CAB39: variants seen among roughly 807,000 people sequenced by gnomAD.
The protein encoded by CAB39 is calcium-binding protein 39.
In CAB39, 8 loss-of-function variants were observed where a neutral mutation model predicts 40.0. That is an observed-to-expected ratio of 0.20 (90% CI 0.12 to 0.36). The LOEUF (loss-of-function observed/expected upper bound fraction) is 0.36, where lower values mean the gene tolerates loss of function less well. Ranked by LOEUF, CAB39 falls within the 10% of genes least tolerant of loss-of-function variation. CAB39 has a pLI of 1.00. For missense variants in CAB39, 270 were observed against 401.1 expected (o/e 0.67, Z 2.79); for synonymous variants, 156 against 141.6 (o/e 1.10, Z -0.72).
At chr2:230,725,183 G>A (rs1694540989) in intron 1 of CAB39, 1 of 1,612,010 alleles carries the variant, frequency 6.2e-7, no homozygotes, top group Non-Finnish European at 8.5e-7. Context: ...GCAGTCCCGG[G>A]ACTGCTTGGC....
intron 3 of CAB39, among the ~76,000 whole-genome samples, chr2:230,791,383 A>G (rs1695889991): frequency 6.6e-6 from 1 of 152,244 alleles, no homozygotes; most frequent in South Asian, 2.1e-4. Flanking sequence ...GGAATAAACA[A>G]TCTAAAGACA....
At chr2:230,782,542 A>G (rs780170154) in intron 2 of CAB39, among the ~76,000 whole-genome samples, 9 of 152,120 alleles carry the variant, frequency 5.9e-5, no homozygotes, top group Non-Finnish European at 1.0e-4. Flanking sequence ...GAAATGGAGC[A>G]AATACTCTTC....
intron 5 of CAB39, among the ~76,000 whole-genome samples, chr2:230,809,321 C>T (rs374492745): frequency 2.6e-5 from 4 of 152,172 alleles, no homozygotes; most frequent in Non-Finnish European, 4.4e-5. Context: ...TCTTTGTAAC[C>T]TGGGCAACCT....
chr2:230,732,732 G>A (rs571689630), intron 1 of CAB39, among the ~76,000 whole-genome samples: 69 of 151,628 alleles, frequency 4.6e-4, no homozygotes, highest in Non-Finnish European at 8.4e-4. Context: ...TGATTATTCA[G>A]CAATGAGAGC....
At chr2:230,731,991 A>G (rs1256823887) in intron 1 of CAB39, among the ~76,000 whole-genome samples, 1 of 152,204 alleles carries the variant, frequency 6.6e-6, no homozygotes, top group Non-Finnish European at 1.5e-5. Context: ...GGAGTATCCT[A>G]AATCTACAGA....
intron 1 of CAB39, chr2:230,725,451 C>A (rs943209745): frequency 3.4e-6 from 5 of 1,477,714 alleles, no homozygotes; most frequent in Admixed American, 1.7e-5. Context: ...CGGTTCCTCC[C>A]GCCACCCGGC....
chr2:230,755,236 A>G (rs999543914), intron 1 of CAB39, among the ~76,000 whole-genome samples: 1 of 152,194 alleles, frequency 6.6e-6, no homozygotes. Context: ...TAGTGGCTGT[A>G]CTAGTTTACA....
rs560641294 is a variant in CAB39, at chr2:230,786,043, A to G, written c.115-4829A>G. Among the ~76,000 whole-genome samples the G allele has an allele frequency of 2.9e-4, 44 of 150,788 alleles. 2 individuals carry two copies. The South Asian group carries it at 7.2e-3, about 25-fold the overall frequency. On this transcript the variant is annotated intron_variant, in intron 2 of 8. Transcript: ENST00000258418. Reference sequence around the variant, plus strand: ...GCCGGGTGTTGTGGCGGGTGCCTGTAGTCCCAGCTACTGGGGAGGCTGAGG... The same window carrying G: ...GCCGGGTGTTGTGGCGGGTGCCTGTGGTCCCAGCTACTGGGGAGGCTGAGG...
At chr2:230,791,403 T>C (rs1447513595) in intron 3 of CAB39, among the ~76,000 whole-genome samples, 1 of 152,232 alleles carries the variant, frequency 6.6e-6, no homozygotes, top group Non-Finnish European at 1.5e-5. Context: ...AGCTATAGAA[T>C]GTTAGAATTT....
At chr2:230,772,257 A>G (rs968752137) in intron 2 of CAB39, among the ~76,000 whole-genome samples, 1 of 152,236 alleles carries the variant, frequency 6.6e-6, no homozygotes, top group African/African-American at 2.4e-5. Flanking sequence ...CAAGATACTC[A>G]TATATGCATT....
intron 2 of CAB39, among the ~76,000 whole-genome samples, chr2:230,762,964 C>T (rs892518492): frequency 2.0e-5 from 3 of 152,172 alleles, no homozygotes; most frequent in Non-Finnish European, 4.4e-5. Flanking sequence ...CTCAAGACCC[C>T]TTTTATACTC....
At chr2:230,763,541 C>A (rs577409462) in intron 2 of CAB39, among the ~76,000 whole-genome samples, 2 of 151,386 alleles carry the variant, frequency 1.3e-5, no homozygotes, top group South Asian at 4.2e-4. Context: ...TGCAGTGAGC[C>A]GAGATGGTGC....
Position 230,731,673 on chromosome 2 carries a change from A to G in CAB39, c.-44+18443A>G, listed in dbSNP as rs75896107. Among the ~76,000 whole-genome samples, 610 of 152,146 alleles carry G rather than the reference A, an allele frequency of 4.0e-3. 3 individuals are homozygous for G. The highest frequency in any genetic ancestry group is 0.011 in the African/African-American group (442 of 41,482). On this transcript the variant is annotated intron_variant, in intron 1 of 8. Coordinates refer to ENST00000258418, the MANE Select transcript of CAB39 (RefSeq NM_016289.4). ...GAGCACCTGCACACCTAATTTTTAA[A>G]TTTCTTGTAGACACGGGGTCTTGCT...
rs1213137769 is a variant in CAB39 at position 230,712,896 on chromosome 2, G to A, written c.-378G>A. On this transcript the variant is annotated 5_prime_UTR_variant, in exon 1 of 9. Coordinates refer to ENST00000258418, the MANE Select transcript of CAB39 (RefSeq NM_016289.4). ...CCGCAAGCGGGGCGAGGGGTTCGGG[G>A]AGCGGCGCGGCCTGGGAGACACAGA... is the stretch of plus-strand genomic sequence containing the variant. The A allele has an allele frequency of 1.3e-5, 2 of 151,970 alleles. No individual in the cohort carries two copies. The highest frequency in any genetic ancestry group is 2.9e-5 in the Non-Finnish European group (2 of 68,074). The allele number at this position is 151,970 out of a possible 1,614,324, so 9.4% of individuals were successfully genotyped here.
intron 6 of CAB39, among the ~76,000 whole-genome samples, chr2:230,812,421 CTAA>C (rs748975163): frequency 4.5e-4 from 69 of 152,296 alleles, no homozygotes; most frequent in Admixed American, 1.4e-3. Flanking sequence ...AAGAAAAAAT[CTAA>C]CATAACCTGA....
At chr2:230,762,700 A>G (rs1468367701) in intron 2 of CAB39, among the ~76,000 whole-genome samples, 1 of 152,196 alleles carries the variant, frequency 6.6e-6, no homozygotes, top group Non-Finnish European at 1.5e-5. Context: ...TATGTTGTCT[A>G]CTCATTACAT....
intron 2 of CAB39, among the ~76,000 whole-genome samples, chr2:230,777,353 G>GTTT: frequency 7.9e-6 from 1 of 127,250 alleles, no homozygotes. Flanking sequence ...ACCTGTTGGT[G>GTTT]TTTTTTTTGT....
At chr2:230,786,511 T>C (rs956110653) in intron 2 of CAB39, among the ~76,000 whole-genome samples, 1 of 152,208 alleles carries the variant, frequency 6.6e-6, no homozygotes, top group Non-Finnish European at 1.5e-5. Flanking sequence ...TTTTGTCACC[T>C]CACAAACCTG....
intron 2 of CAB39, among the ~76,000 whole-genome samples, chr2:230,788,972 C>T (rs866600876): frequency 6.6e-6 from 1 of 152,188 alleles, no homozygotes; most frequent in African/African-American, 2.4e-5. Context: ...ATTATGTCTT[C>T]AAATAGTTTG....
Sources: gnomAD v4.1 joint callset for allele counts (sites outside exome capture counted in the v4.1 genomes callset) on GRCh38, gnomAD v4.1.1 for gene constraint, MANE v1.5 for transcripts, NCBI Gene and HGNC (gene_info 2026-07-23, HGNC 2026-07-21) for gene names.